Variants in STARD13 observed in about 807,000 individuals in gnomAD.
STARD13 encodes the protein stAR-related lipid transfer protein 13.
In STARD13, 62 loss-of-function variants were observed where a neutral mutation model predicts 106.4. The ratio of observed to expected loss-of-function variants is 0.58; its 90% CI spans 0.48 to 0.72. The LOEUF (loss-of-function observed/expected upper bound fraction) is 0.72. STARD13 is among the 30% of genes least tolerant of loss of function. STARD13 has a pLI of 0.00. For missense variants in STARD13, 1,387 were observed against 1,424.0 expected (o/e 0.97, Z 0.42); for synonymous variants, 565 against 553.0 (o/e 1.02, Z -0.31).
the STARD13 span, among the ~76,000 whole-genome samples, chr13:33,590,010 T>C: frequency 6.6e-6 from 1 of 152,184 alleles, no homozygotes; most frequent in South Asian, 2.1e-4. Context: ...ATATTTAGGA[T>C]AGTTAGCTCT....
At chr13:33,253,463 C>T (rs1890187284) in intron 1 of STARD13, among the ~76,000 whole-genome samples, 1 of 152,198 alleles carries the variant, frequency 6.6e-6, no homozygotes. Context: ...ACACAATTAT[C>T]CACACAGAAC....
intron 1 of STARD13, among the ~76,000 whole-genome samples, chr13:33,204,830 A>G (rs1173549762): frequency 6.6e-6 from 1 of 152,206 alleles, no homozygotes; most frequent in East Asian, 1.9e-4. Context: ...TGACATCCAT[A>G]TTGGGCCATA....
chr13:33,657,700 G>A, the STARD13 span, among the ~76,000 whole-genome samples: 1 of 152,168 alleles, frequency 6.6e-6, no homozygotes, highest in Admixed American at 6.5e-5. Context: ...ACTGTCCAAA[G>A]GCAGTCTTGC....
chr13:33,582,887 A>T, the STARD13 span, among the ~76,000 whole-genome samples: 1 of 152,212 alleles, frequency 6.6e-6, no homozygotes, highest in Non-Finnish European at 1.5e-5. Context: ...TGAGATTTTG[A>T]CAAAAACTGG....
the STARD13 span, among the ~76,000 whole-genome samples, chr13:33,623,407 A>G: frequency 6.8e-6 from 1 of 148,112 alleles, no homozygotes; most frequent in Non-Finnish European, 1.5e-5. Context: ...TAAAACAATG[A>G]TAAATTGAAC....
intron 1 of STARD13, among the ~76,000 whole-genome samples, chr13:33,231,753 C>A (rs1432252748): frequency 5.3e-5 from 8 of 152,118 alleles, no homozygotes; most frequent in Admixed American, 2.0e-4. Context: ...AGGTCCGGGG[C>A]ATTCCCATAA....
chr13:33,510,396 A>G, the STARD13 span, among the ~76,000 whole-genome samples: 1 of 152,162 alleles, frequency 6.6e-6, no homozygotes, highest in Non-Finnish European at 1.5e-5. Flanking sequence ...AGGGATGGAA[A>G]GATAATGAGA....
chr13:33,185,011 G>A (rs552751761), intron 1 of STARD13, among the ~76,000 whole-genome samples: 2 of 152,332 alleles, frequency 1.3e-5, no homozygotes, highest in African/African-American at 4.8e-5. Context: ...GCACTGTCCT[G>A]TAGCTTCTAA....
At chr13:33,298,296 AT>A (rs10718236) in intron 1 of STARD13, among the ~76,000 whole-genome samples, 61,835 of 137,848 alleles carry the variant, frequency 0.45, 14,196 homozygotes, top group South Asian at 0.6. Context: ...TGCTCAGCTA[AT>A]TTTTTTTTTT....
rs1873561869 is a variant in STARD13 at position 33,105,447 on chromosome 13, C to T, written c.*146G>A. The T allele has an allele frequency of 3.3e-6, 2 of 606,304 alleles. No individual in the cohort carries two copies. The highest frequency in any genetic ancestry group is 3.7e-5 in the African/African-American group (2 of 54,626). 37.6% of individuals were successfully genotyped at this position (606,304 alleles called of 1,614,324 possible). On this transcript the variant is annotated 3_prime_UTR_variant, in exon 14 of 14. Coordinates refer to ENST00000336934, the MANE Select transcript of STARD13 (RefSeq NM_178006.4). ...TTCTTGGAAATTCTTGCATCTCCAACATTCCAACTTCTTAACGTTTCCATT... is the reference window on the plus strand; with the variant it reads ...TTCTTGGAAATTCTTGCATCTCCAATATTCCAACTTCTTAACGTTTCCATT...
chr13:33,149,739 A>T (rs1423705812), intron 3 of STARD13, among the ~76,000 whole-genome samples: 1 of 152,242 alleles, frequency 6.6e-6, no homozygotes, highest in African/African-American at 2.4e-5. Flanking sequence ...ATTGGATGAA[A>T]CATATCCCTG....
chr13:33,465,193 GTCT>G, the STARD13 span, among the ~76,000 whole-genome samples: 13 of 123,370 alleles, frequency 1.1e-4, no homozygotes, highest in African/African-American at 2.8e-4. Flanking sequence ...CTCTTAATTG[GTCT>G]TCTTCTTTTT....
chr13:33,275,359 C>T (rs1891371929), intron 1 of STARD13, among the ~76,000 whole-genome samples: 1 of 152,172 alleles, frequency 6.6e-6, no homozygotes, highest in Admixed American at 6.5e-5. Flanking sequence ...GTCATATGTA[C>T]ATGGATGTTT....
the STARD13 span, among the ~76,000 whole-genome samples, chr13:33,663,517 G>A: frequency 7.9e-5 from 12 of 152,194 alleles, 1 homozygote; most frequent in South Asian, 1.0e-3. Flanking sequence ...ATAAGGAAAC[G>A]CCTTTGTCAT....
the STARD13 span, among the ~76,000 whole-genome samples, chr13:33,545,637 C>T: frequency 6.6e-6 from 1 of 152,148 alleles, no homozygotes; most frequent in African/African-American, 2.4e-5. Flanking sequence ...GGGGGTGGAT[C>T]CCTGACACAG....
intron 4 of STARD13, among the ~76,000 whole-genome samples, chr13:33,131,862 A>G (rs1469822961): frequency 2.6e-5 from 4 of 152,198 alleles, no homozygotes; most frequent in African/African-American, 9.7e-5. Flanking sequence ...CTTGCCTCAT[A>G]GGTTTGCTGA....
chr13:33,362,296 CTGAG>C, the STARD13 span, among the ~76,000 whole-genome samples: 11 of 152,102 alleles, frequency 7.2e-5, no homozygotes, highest in Non-Finnish European at 1.3e-4. Flanking sequence ...TGTGAACTGA[CTGAG>C]TGAGAACTCA....
At chr13:33,132,367 C>A (rs1392973837) in intron 4 of STARD13, among the ~76,000 whole-genome samples, 1 of 152,178 alleles carries the variant, frequency 6.6e-6, no homozygotes, top group Non-Finnish European at 1.5e-5. Flanking sequence ...GTGAATAAGT[C>A]TCATGAGAGC....
At chr13:33,110,949 A>G (rs1195684057) in intron 10 of STARD13, 42 bp from the exon 11 acceptor site, 1 of 1,548,612 alleles carries the variant, frequency 6.5e-7, no homozygotes, top group East Asian at 2.3e-5. Context: ...ACTGAGCCAA[A>G]GAAACGCCGA....
Sources: gnomAD v4.1 joint callset for allele counts (sites outside exome capture counted in the v4.1 genomes callset) on GRCh38, gnomAD v4.1.1 for gene constraint, MANE v1.5 for transcripts, NCBI Gene and HGNC (gene_info 2026-07-23, HGNC 2026-07-21) for gene names.